UNC5C: variants seen among roughly 807,000 people sequenced by gnomAD.
The protein encoded by UNC5C is netrin receptor UNC5C.
UNC5C carries 47 observed loss-of-function variants against 99.8 expected under a neutral mutation model. The ratio of observed to expected loss-of-function variants is 0.47; its 90% CI spans 0.37 to 0.60. The LOEUF (loss-of-function observed/expected upper bound fraction) is 0.60, where lower values mean the gene tolerates loss of function less well. UNC5C is among the 20% of genes least tolerant of loss of function. The probability of loss-of-function intolerance (pLI) is 0.00; values close to 1 mark genes in which losing one functional copy is unlikely to be tolerated. For synonymous variants in UNC5C, 487 were observed against 452.2 expected (o/e 1.08, Z -0.98); for missense variants, 1,062 against 1,165.9 (o/e 0.91, Z 1.30).
At chr4:95,258,863 G>A (rs1740111065) in intron 4 of UNC5C, among the ~76,000 whole-genome samples, 1 of 142,952 alleles carries the variant, frequency 7.0e-6, no homozygotes, top group Non-Finnish European at 1.5e-5. Context: ...CCGGGTTCAC[G>A]CCATTCTCCT....
intron 7 of UNC5C, among the ~76,000 whole-genome samples, chr4:95,229,591 T>C (rs1413384662): frequency 6.6e-6 from 1 of 152,172 alleles, no homozygotes; most frequent in African/African-American, 2.4e-5. Flanking sequence ...TAAACATATG[T>C]GCGCATGTGT....
intron 1 of UNC5C, among the ~76,000 whole-genome samples, chr4:95,505,782 A>G (rs1721900963): frequency 1.3e-5 from 2 of 152,056 alleles, no homozygotes; most frequent in South Asian, 4.1e-4. Flanking sequence ...TTTTAAATAC[A>G]GGAGATGTTG....
chr4:95,381,819 G>A (rs773927926), intron 1 of UNC5C, among the ~76,000 whole-genome samples: 8 of 152,148 alleles, frequency 5.3e-5, no homozygotes, highest in African/African-American at 9.7e-5. Flanking sequence ...TGGTTATTGG[G>A]ATATTGAGAC....
intron 1 of UNC5C, among the ~76,000 whole-genome samples, chr4:95,490,830 T>G (rs899655223): frequency 4.6e-5 from 7 of 151,702 alleles, no homozygotes; most frequent in Non-Finnish European, 1.0e-4. Context: ...ATTGAACAAT[T>G]TATCAAATAA....
intron 1 of UNC5C, among the ~76,000 whole-genome samples, chr4:95,513,244 T>C (rs778110950): frequency 2.6e-5 from 4 of 152,198 alleles, no homozygotes; most frequent in African/African-American, 4.8e-5. Context: ...GGAGAAAATA[T>C]TGAATTTTTC....
chr4:95,245,607 T>G (rs1022120973), intron 5 of UNC5C, among the ~76,000 whole-genome samples: 3 of 152,258 alleles, frequency 2.0e-5, no homozygotes, highest in Admixed American at 1.3e-4. Context: ...TTACAACGTT[T>G]TAAGGATTTT....
At chr4:95,442,448 T>A (rs2149463972) in intron 1 of UNC5C, among the ~76,000 whole-genome samples, 1 of 149,088 alleles carries the variant, frequency 6.7e-6, no homozygotes, top group African/African-American at 2.5e-5. Flanking sequence ...TCTCAAGCGA[T>A]CTTCCCTCCT....
rs1019684354 is a variant in UNC5C at position 95,165,087 on chromosome 4, G to A, written c.*4147C>T. ...CTGACAGAGACACACAGAAGGACAC[G>A]AGACAAGAGCCTTGTTGCTCTTTGC... On this transcript the variant is annotated 3_prime_UTR_variant, in exon 16 of 16. Coordinates refer to ENST00000453304, the MANE Select transcript of UNC5C (RefSeq NM_003728.4). The A allele has an allele frequency of 5.3e-5, 8 of 152,178 alleles. No individual in the cohort carries two copies. Among genetic ancestry groups the A allele is most frequent in the Non-Finnish European group, 8.8e-5 (6 of 68,030 alleles). The allele number at this position is 152,178 out of a possible 1,614,324, so 9.4% of individuals were successfully genotyped here.
intron 5 of UNC5C, among the ~76,000 whole-genome samples, chr4:95,249,227 A>G (rs1164179750): frequency 6.6e-6 from 1 of 152,142 alleles, no homozygotes; most frequent in Non-Finnish European, 1.5e-5. Context: ...TGATGAAATC[A>G]CCTAATGATG....
intron 2 of UNC5C, among the ~76,000 whole-genome samples, chr4:95,312,390 C>CAT (rs1403364379): frequency 1.3e-5 from 2 of 152,068 alleles, no homozygotes; most frequent in South Asian, 4.1e-4. Context: ...ATGATCTGTA[C>CAT]ATATATATAG....
intron 1 of UNC5C, among the ~76,000 whole-genome samples, chr4:95,412,808 G>T (rs112995874): frequency 1.3e-5 from 2 of 152,276 alleles, no homozygotes; most frequent in African/African-American, 4.8e-5. Flanking sequence ...GAAAGAATGG[G>T]AGAGCATACG....
At chr4:95,339,155 A>G (rs142483353) in intron 1 of UNC5C, among the ~76,000 whole-genome samples, 2,489 of 152,184 alleles carry the variant, frequency 0.016, 32 homozygotes, top group South Asian at 0.043. Flanking sequence ...GGAAAACACA[A>G]TTGTTCAGAC....
At chr4:95,442,603 C>T (rs1187399156) in intron 1 of UNC5C, among the ~76,000 whole-genome samples, 2 of 152,014 alleles carry the variant, frequency 1.3e-5, no homozygotes, top group African/African-American at 2.4e-5. Flanking sequence ...GTAGCTGAGA[C>T]TACAGGCACA....
At chr4:95,277,272 C>T (rs1047522209) in intron 4 of UNC5C, among the ~76,000 whole-genome samples, 1 of 152,146 alleles carries the variant, frequency 6.6e-6, no homozygotes, top group Non-Finnish European at 1.5e-5. Context: ...CCTCTTTCAA[C>T]ACATGCAATA....
At chr4:95,246,436 A>G (rs1204113681) in intron 5 of UNC5C, among the ~76,000 whole-genome samples, 1 of 151,990 alleles carries the variant, frequency 6.6e-6, no homozygotes. Flanking sequence ...CAGCATGTGT[A>G]TATAGACCCA....
intron 2 of UNC5C, among the ~76,000 whole-genome samples, chr4:95,332,578 G>T (rs1402106302): frequency 1.3e-5 from 2 of 151,766 alleles, no homozygotes; most frequent in Non-Finnish European, 2.9e-5. Context: ...ATTCAAGATG[G>T]ATTAAAGACT....
At chr4:95,244,815 G>A (rs749344783) in intron 6 of UNC5C, among the ~76,000 whole-genome samples, 162 bp downstream of exon 6, 1 of 152,170 alleles carries the variant, frequency 6.6e-6, no homozygotes, top group Non-Finnish European at 1.5e-5. Flanking sequence ...TTCTTTTGGA[G>A]GAAAATACTT....
intron 1 of UNC5C, among the ~76,000 whole-genome samples, chr4:95,548,338 G>C (rs957477516): frequency 6.6e-6 from 1 of 151,896 alleles, no homozygotes; most frequent in African/African-American, 2.4e-5. Flanking sequence ...TGCGCTTCGG[G>C]GTGCATCTAC....
At chr4:95,465,366 G>A (rs1271954528) in intron 1 of UNC5C, among the ~76,000 whole-genome samples, 1 of 152,118 alleles carries the variant, frequency 6.6e-6, no homozygotes, top group Admixed American at 6.5e-5. Flanking sequence ...TACTTGAAGT[G>A]GAAAATTATC....
Sources: allele counts gnomAD v4.1 joint callset (sites outside exome capture counted in the v4.1 genomes callset), GRCh38; gene constraint gnomAD v4.1.1; transcripts MANE v1.5; gene names NCBI Gene and HGNC (gene_info 2026-07-23, HGNC 2026-07-21).